Variants in LYSMD2 observed in about 807,000 individuals in gnomAD.
LYSMD2 encodes lysM and putative peptidoglycan-binding domain-containing protein 2.
Under a neutral mutation model 17.7 loss-of-function variants are expected in LYSMD2, and 6 were observed. The observed-to-expected ratio is 0.34, with a 90% CI of 0.19 to 0.67. The LOEUF (loss-of-function observed/expected upper bound fraction) is 0.67, where lower values mean the gene tolerates loss of function less well. Ranked by LOEUF, LYSMD2 falls within the 30% of genes least tolerant of loss-of-function variation. The pLI is 0.69. For missense variants in LYSMD2, 237 were observed against 286.7 expected (o/e 0.83, Z 1.25); for synonymous variants, 102 against 129.8 (o/e 0.79, Z 1.45).
intron 1 of LYSMD2, among the ~76,000 whole-genome samples, chr15:51,747,017 TAAAAAAAAA>T (rs1050919768): frequency 3.0e-5 from 2 of 65,796 alleles, no homozygotes; most frequent in East Asian, 9.7e-4. Flanking sequence ...CTGTCTCTAC[TAAAAAAAAA>T]AAAAAAAAAA....
chr15:51,741,936 AAT>A (rs2055644877), upstream of LYSMD2, among the ~76,000 whole-genome samples: 1 of 149,338 alleles, frequency 6.7e-6, no homozygotes, highest in African/African-American at 2.4e-5. Context: ...ATAATAATTA[AAT>A]ATATATATAA....
chr15:51,738,848 A>C (rs533675457), upstream of LYSMD2, among the ~76,000 whole-genome samples: 1 of 152,308 alleles, frequency 6.6e-6, no homozygotes, highest in East Asian at 1.9e-4. Context: ...CAGCATTACT[A>C]AAAACCTACA....
intron 1 of LYSMD2, among the ~76,000 whole-genome samples, chr15:51,736,061 T>C (rs561812280): frequency 1.3e-5 from 2 of 152,248 alleles, no homozygotes; most frequent in Non-Finnish European, 2.9e-5. Context: ...TGAATGATCA[T>C]ACTTGGAAAA....
chr15:51,744,568 T>G (rs1567231065), intron 1 of LYSMD2, among the ~76,000 whole-genome samples: 2 of 152,200 alleles, frequency 1.3e-5, no homozygotes, highest in Non-Finnish European at 2.9e-5. Context: ...TGAGGACTTT[T>G]ACATGTGTAT....
chr15:51,746,676 C>T (rs930275831), intron 1 of LYSMD2, among the ~76,000 whole-genome samples: 1 of 151,948 alleles, frequency 6.6e-6, no homozygotes, highest in African/African-American at 2.4e-5. Flanking sequence ...AATAAAGCTC[C>T]AACACTCAGC....
At chr15:51,725,650 G>T (rs2055534948) in intron 1 of LYSMD2, among the ~76,000 whole-genome samples, 1 of 151,728 alleles carries the variant, frequency 6.6e-6, no homozygotes, top group African/African-American at 2.4e-5. Flanking sequence ...TTGTTGCAAG[G>T]ATTAAATGAG....
Position 51,737,259 on chromosome 15 carries a change from C to CCCT in LYSMD2, c.273+90_273+91insAGG. ...TCCCCATCCCCCAAACCCCCACCCGCAGTCCCACCCCCACCCCCACCGCAC... is the reference window on the plus strand; with the variant it reads ...TCCCCATCCCCCAAACCCCCACCCGCCCTAGTCCCACCCCCACCCCCACCGCAC... On this transcript the variant is annotated intron_variant, in intron 1 of 2. Coordinates refer to ENST00000267838, the MANE Select transcript of LYSMD2 (RefSeq NM_153374.3). The surrounding 1 kb of genome is among the most constrained non-coding windows in gnomAD (Gnocchi z 4.2). 2.7e-6 allele frequency: 1 copy of CCCT among 364,008 alleles called. No individual in the cohort carries two copies. The allele number at this position is 364,008 out of a possible 1,614,324, so 22.5% of individuals were successfully genotyped here. A position where few individuals can be genotyped will look rare whatever the true frequency, so the allele number is the denominator to read the frequency against.
intron 1 of LYSMD2, among the ~76,000 whole-genome samples, chr15:51,727,460 G>A (rs2055547380): frequency 6.6e-6 from 1 of 152,206 alleles, no homozygotes; most frequent in Non-Finnish European, 1.5e-5. Flanking sequence ...GTCTCTGGGT[G>A]CTTCAACTTC....
intron 1 of LYSMD2, among the ~76,000 whole-genome samples, chr15:51,748,672 A>G (rs1232463111): frequency 2.0e-5 from 3 of 152,210 alleles, no homozygotes; most frequent in Non-Finnish European, 2.9e-5. Context: ...ACCCAGATTC[A>G]TCGTATCTCT....
chr15:51,725,130 TA>T lies in LYSMD2; in HGVS notation c.274-10del. ...CTTTTAATCTGTTCCATCTAAAATA[TA>T]AAAAAGGAGACACAGAATTACATAT... On this transcript the variant is annotated splice_polypyrimidine_tract_variant and intron_variant, in intron 1 of 2. Coordinates refer to ENST00000267838, the MANE Select transcript of LYSMD2 (RefSeq NM_153374.3). 6.5e-7 allele frequency: 1 copy of T among 1,531,470 alleles called. No homozygotes were observed. The highest frequency in any genetic ancestry group is 8.9e-7 in the Non-Finnish European group (1 of 1,123,604). 94.9% of individuals were successfully genotyped at this position (1,531,470 alleles called of 1,614,324 possible). A position where few individuals can be genotyped will look rare whatever the true frequency, so the allele number is the denominator to read the frequency against.
intron 2 of LYSMD2, among the ~76,000 whole-genome samples, 181 bp downstream of exon 2, chr15:51,724,609 A>G (rs2055524831): frequency 1.3e-5 from 2 of 152,030 alleles, no homozygotes; most frequent in South Asian, 4.1e-4. Flanking sequence ...AAAGAAAGAA[A>G]GAAAGAAATT....
upstream of LYSMD2, chr15:51,737,706 T>A: frequency 2.0e-6 from 2 of 993,290 alleles, no homozygotes; most frequent in Non-Finnish European, 2.6e-6. The surrounding 1 kb of genome is among the most constrained non-coding windows in gnomAD (Gnocchi z 4.2). Flanking sequence ...CGCCTCTTCC[T>A]CTTCACAGGG....
At chr15:51,727,752 A>C (rs1011658016) in intron 1 of LYSMD2, among the ~76,000 whole-genome samples, 1 of 152,182 alleles carries the variant, frequency 6.6e-6, no homozygotes, top group African/African-American at 2.4e-5. Flanking sequence ...GACTCACTAT[A>C]ACTGGTCCAC....
chr15:51,730,632 TC>T (rs1398640356), intron 1 of LYSMD2, among the ~76,000 whole-genome samples: 1 of 152,206 alleles, frequency 6.6e-6, no homozygotes, highest in Admixed American at 6.5e-5. Context: ...CAAGAACTCT[TC>T]CCATCTTGGG....
chr15:51,745,951 A>C (rs2055665676), intron 1 of LYSMD2, among the ~76,000 whole-genome samples: 1 of 152,210 alleles, frequency 6.6e-6, no homozygotes, highest in African/African-American at 2.4e-5. Flanking sequence ...AAAGACATTA[A>C]CGAGTGTTAG....
intron 1 of LYSMD2, among the ~76,000 whole-genome samples, chr15:51,732,024 C>G (rs185934043): frequency 3.3e-5 from 5 of 152,338 alleles, no homozygotes; most frequent in African/African-American, 9.6e-5. Context: ...CCTCAAATGC[C>G]TCTTCCTCTG....
At chr15:51,736,353 T>C (rs558330387) in intron 1 of LYSMD2, among the ~76,000 whole-genome samples, 2 of 152,200 alleles carry the variant, frequency 1.3e-5, no homozygotes, top group Non-Finnish European at 2.9e-5. Flanking sequence ...CATGGCATGA[T>C]AGAGTCAATA....
intron 1 of LYSMD2, among the ~76,000 whole-genome samples, chr15:51,749,591 G>A (rs2055686356): frequency 6.6e-6 from 1 of 152,204 alleles, no homozygotes; most frequent in Admixed American, 6.5e-5. Flanking sequence ...GGAAACCAAA[G>A]AGAAATACTG....
intron 1 of LYSMD2, among the ~76,000 whole-genome samples, chr15:51,747,864 C>T (rs2055675959): frequency 6.6e-6 from 1 of 152,196 alleles, no homozygotes; most frequent in African/African-American, 2.4e-5. Context: ...TCAACATAGT[C>T]ACTGCTCCTT....
Sources: gnomAD v4.1 joint callset for allele counts (sites outside exome capture counted in the v4.1 genomes callset) on GRCh38, gnomAD v4.1.1 for gene constraint, Gnocchi (gnomAD v3.1) non-coding constraint, MANE v1.5 for transcripts, NCBI Gene and HGNC (gene_info 2026-07-23, HGNC 2026-07-21) for gene names.